GNPTAB: variants seen among roughly 807,000 people sequenced by gnomAD.
The protein encoded by GNPTAB is N-acetylglucosamine-1-phosphotransferase subunits alpha/beta.
GNPTAB carries 92 observed loss-of-function variants against 136.6 expected under a neutral mutation model. The ratio of observed to expected loss-of-function variants is 0.67; its 90% CI spans 0.57 to 0.80. GNPTAB has a LOEUF of 0.80. GNPTAB is among the 30% of genes least tolerant of loss of function. The pLI is 0.00. For missense variants in GNPTAB, 1,343 were observed against 1,501.8 expected (o/e 0.89, Z 1.75); for synonymous variants, 512 against 535.1 (o/e 0.96, Z 0.60).
Position 101,802,519 on chromosome 12 carries a change from G to A in GNPTAB, c.118-5757C>T, listed in dbSNP as rs929159716. 9.9e-5 allele frequency among the ~76,000 whole-genome samples: 15 copies of A among 152,008 alleles called. No homozygotes were observed. The East Asian group carries it at 2.9e-3, about 29-fold the overall frequency. ...GGCTCACTGCCATGATCCTGAGGGG[G>A]ATTTAGACAAAAACACCCCTAAAGA... On this transcript the variant is annotated intron_variant, in intron 1 of 20. Transcript: ENST00000299314.
chr12:101,793,929 G>A (rs893677203), intron 2 of GNPTAB, among the ~76,000 whole-genome samples: 4 of 152,222 alleles, frequency 2.6e-5, no homozygotes, highest in African/African-American at 7.2e-5. Context: ...TGCAACCTAT[G>A]CCTCCCAGGT....
chr12:101,762,009 AAC>A (rs1203068061), intron 13 of GNPTAB, among the ~76,000 whole-genome samples: 3 of 152,232 alleles, frequency 2.0e-5, no homozygotes, highest in Non-Finnish European at 4.4e-5. Flanking sequence ...TCTACATAAC[AAC>A]AGTCACATAT....
At chr12:101,749,489 A>G (rs1210301588) in intron 19 of GNPTAB, among the ~76,000 whole-genome samples, 4 of 152,214 alleles carry the variant, frequency 2.6e-5, no homozygotes, top group African/African-American at 9.6e-5. Context: ...TTATTCACTC[A>G]TACTTATTTA....
intron 7 of GNPTAB, among the ~76,000 whole-genome samples, chr12:101,771,687 C>T (rs921919012): frequency 3.3e-5 from 5 of 152,352 alleles, no homozygotes; most frequent in Middle Eastern, 3.4e-3. Flanking sequence ...AAACTGGACA[C>T]CTCAGAGCCA....
In GNPTAB at chr12:101,770,530, C is replaced by G; in HGVS notation, c.989G>C (p.Arg330Thr). ...CCTCTCGATAGATCGCAATGAGTAC[C>G]TCAGTTCTTCGTTATCTTCAAAACG... ...ASRFEDNEEL[R>T]YSLRSIERHA... Residue 330 changes from arginine (R) to threonine (T), a missense_variant, in exon 9 of 21, where the codon AGG (arginine) becomes ACG (threonine). Arg to Thr is a moderately conservative substitution (Grantham distance 71, BLOSUM62 -1). Coordinates refer to ENST00000299314, the MANE Select transcript of GNPTAB (RefSeq NM_024312.5). 6.2e-7 allele frequency: 1 copy of G among 1,613,534 alleles called. No individual in the cohort carries two copies. The highest frequency in any genetic ancestry group is 8.5e-7 in the Non-Finnish European group (1 of 1,179,462).
chr12:101,765,842 A>T, intron 12 of GNPTAB: 1 of 466,868 alleles, frequency 2.1e-6, no homozygotes, highest in Non-Finnish European at 3.9e-6. Context: ...ACATATTTTC[A>T]GCTAAGGTAA....
chr12:101,766,358 CT>C, intron 11 of GNPTAB, 64 bp from the exon 12 acceptor site: 1 of 1,433,512 alleles, frequency 7.0e-7, no homozygotes. Flanking sequence ...CAGTTCTGGA[CT>C]GGGTGTGGTG....
chr12:101,830,743 G>C lies in GNPTAB; in HGVS notation c.-68C>G, dbSNP rs1009955426. ...CCGCCGCCGCCGCCGCCGCCTCAGC[G>C]AGCCGCCATTCAGGGGCCCCGGTCG... On this transcript the variant is annotated 5_prime_UTR_variant, in exon 1 of 21. Coordinates refer to ENST00000299314, the MANE Select transcript of GNPTAB (RefSeq NM_024312.5). The C allele has an allele frequency of 2.0e-6, 2 of 1,023,416 alleles. No homozygotes were observed. Among genetic ancestry groups the C allele is most frequent in the African/African-American group, 1.7e-5 (1 of 60,108 alleles). 63.4% of individuals were successfully genotyped at this position (1,023,416 alleles called of 1,614,324 possible).
At chr12:101,805,983 A>G (rs1279116590) in intron 1 of GNPTAB, among the ~76,000 whole-genome samples, 2 of 152,214 alleles carry the variant, frequency 1.3e-5, no homozygotes, top group Non-Finnish European at 2.9e-5. Flanking sequence ...ATTCATATAA[A>G]TATGATAAAG....
At chr12:101,750,761 C>T (rs976050506) in intron 19 of GNPTAB, among the ~76,000 whole-genome samples, 6 of 152,140 alleles carry the variant, frequency 3.9e-5, no homozygotes, top group Admixed American at 1.3e-4. Flanking sequence ...AAAATAAAAA[C>T]ATAAAGATAG....
At chr12:101,818,123 TTAA>T (rs1870599226) in intron 1 of GNPTAB, among the ~76,000 whole-genome samples, 1 of 152,148 alleles carries the variant, frequency 6.6e-6, no homozygotes. Context: ...TTCTTAGAAG[TTAA>T]TAATGTCTCA....
At chr12:101,752,292 G>C (rs1239938674) in intron 19 of GNPTAB, among the ~76,000 whole-genome samples, 2 of 152,154 alleles carry the variant, frequency 1.3e-5, no homozygotes, top group Non-Finnish European at 2.9e-5. Flanking sequence ...GGGCATGGTG[G>C]CATATGCCTG....
intron 5 of GNPTAB, 80 bp from the exon 6 acceptor site, chr12:101,780,701 TTC>T (rs1953329413): frequency 1.1e-6 from 1 of 951,394 alleles, no homozygotes; most frequent in Non-Finnish European, 1.7e-6. Flanking sequence ...TGTGAAAACA[TTC>T]TGAGAGCTAT....
intron 7 of GNPTAB, among the ~76,000 whole-genome samples, chr12:101,774,524 C>A (rs1004905549): frequency 6.6e-6 from 1 of 152,118 alleles, no homozygotes; most frequent in African/African-American, 2.4e-5. Context: ...CAGTGTATCA[C>A]ATAGGACAGG....
intron 1 of GNPTAB, among the ~76,000 whole-genome samples, chr12:101,813,043 G>T (rs555922340): frequency 1.3e-5 from 2 of 150,792 alleles, no homozygotes; most frequent in Admixed American, 6.6e-5. Flanking sequence ...ATGTTGCCCA[G>T]GCTGGTCTTG....
chr12:101,817,306 G>C (rs1594259180), intron 1 of GNPTAB, among the ~76,000 whole-genome samples: 1 of 119,780 alleles, frequency 8.3e-6, no homozygotes. Flanking sequence ...GTCTCACTCT[G>C]TCACCCAGGG....
chr12:101,818,601 T>G (rs758814928), intron 1 of GNPTAB, among the ~76,000 whole-genome samples: 1 of 152,154 alleles, frequency 6.6e-6, no homozygotes, highest in Non-Finnish European at 1.5e-5. Flanking sequence ...GGTCTCAAAC[T>G]CCTGACTTCA....
chr12:101,757,159 C>A, intron 18 of GNPTAB, 53 bp downstream of exon 18: 1 of 965,270 alleles, frequency 1.0e-6, no homozygotes, highest in South Asian at 1.4e-5. Context: ...TCTTTCCAGT[C>A]CTTTTATTCA....
chr12:101,822,417 AAAG>A (rs934456108), intron 1 of GNPTAB, among the ~76,000 whole-genome samples: 37 of 152,260 alleles, frequency 2.4e-4, no homozygotes, highest in Non-Finnish European at 4.6e-4. Flanking sequence ...GTCTCAAAAA[AAAG>A]AAAGAAAGAA....
Sources: gnomAD v4.1 joint callset for allele counts (sites outside exome capture counted in the v4.1 genomes callset) on GRCh38, gnomAD v4.1.1 for gene constraint, MANE v1.5 for transcripts, NCBI Gene and HGNC (gene_info 2026-07-23, HGNC 2026-07-21) for gene names.